The following ZNF347 variants were observed in gnomAD, a reference collection of about 807,000 sequenced individuals.
The protein encoded by ZNF347 is CTD-2620I22.7.
Under a neutral mutation model 12.9 loss-of-function variants are expected in ZNF347, and 19 were observed. That is an observed-to-expected ratio of 1.47 (90% CI 1.03 to 2.16). The LOEUF is 2.16. Ranked by LOEUF, ZNF347 falls within the 30% of genes most tolerant of loss-of-function variation. The probability of loss-of-function intolerance (pLI) is 0.00; values close to 1 mark genes in which losing one functional copy is unlikely to be tolerated. For missense variants in ZNF347, 1,005 were observed against 990.6 expected, an observed-to-expected ratio of 1.01 and a Z score of -0.19; for synonymous variants, 328 against 340.6, an observed-to-expected ratio of 0.96 and a Z score of 0.41.
intron 3 of ZNF347, 93 bp downstream of exon 3, chr19:53,149,148 G>C (rs571713993): frequency 2.5e-6 from 4 of 1,573,748 alleles, no homozygotes; most frequent in African/African-American, 1.4e-5. Flanking sequence ...TTCAGTCTCA[G>C]CCAAGCAATG....
At chr19:53,153,518 G>T (rs1018425600) in intron 2 of ZNF347, among the ~76,000 whole-genome samples, 5 of 152,132 alleles carry the variant, frequency 3.3e-5, no homozygotes, top group Non-Finnish European at 7.3e-5. Flanking sequence ...CCCTTCCCAG[G>T]ACCATGCCCA....
At position 53,152,872 on chromosome 19, in the gene ZNF347, T is replaced by C. The variant is rs185809537; in HGVS notation, c.15+861A>G. ...GTGAAAGCAGGAGGCGGAGCTTGCA[T>C]TGGGCTGAGATCATGCCACTGCACT... On this transcript the variant is annotated intron_variant, in intron 2 of 4. Transcript: ENST00000334197. Among the ~76,000 whole-genome samples, 78 of 151,974 alleles carry C rather than the reference T, an allele frequency of 5.1e-4. 1 individual carries two copies. The highest frequency in any genetic ancestry group is 4.1e-3 in the East Asian group (21 of 5,134).
Position 53,141,167 on chromosome 19 carries a change from G to C in ZNF347, c.1661C>G (p.Ser554Ter), listed in dbSNP as rs766212972. ...NECGKAFSVY[S>*]SLTTHQVIHT... ...GATGACCTGATGGGTAGTTAGGCTT[G>C]AATACACACTGAAGGCTTTGCCGCA... Residue 554 changes from serine to a stop codon, truncating the protein, a stop_gained, in exon 5 of 5, where the codon TCA becomes TGA. Transcript: ENST00000334197. LOFTEE classifies it low-confidence loss of function (END_TRUNC). 1.7e-5 allele frequency: 28 copies of C among 1,608,888 alleles called. No individual in the cohort carries two copies. The highest frequency in any genetic ancestry group is 3.3e-5 in the Admixed American group (2 of 59,790).
rs577812713 is a variant in ZNF347, at chr19:53,136,975, T to A, written c.*3333A>T. On this transcript the variant is annotated 3_prime_UTR_variant, in exon 5 of 5. Transcript: ENST00000334197. ...ATCTCAGCTCACTGCAACCTCCGTC[T>A]CCCGGGTTCAAGTGATTCTCCTGCC... 2 of 152,312 alleles carry A rather than the reference T, an allele frequency of 1.3e-5. No homozygotes were observed. The highest frequency in any genetic ancestry group is 4.1e-4 in the South Asian group (2 of 4,820). 9.4% of individuals were successfully genotyped at this position (152,312 alleles called of 1,614,324 possible).
Position 53,141,858 on chromosome 19 carries a change from T to TA in ZNF347, c.969dup (p.Lys324Ter), listed in dbSNP as rs2090430298. ...AGTTGTGAATTTCGACTAAAGACCT[T>TA]ACCACACTCATTACATTTGTAACGT... On this transcript the variant is annotated frameshift_variant, in exon 5 of 5. Coordinates refer to ENST00000334197, the MANE Select transcript of ZNF347 (RefSeq NM_032584.3). LOFTEE classifies it low-confidence loss of function (END_TRUNC). The TA allele has an allele frequency of 6.2e-7, 1 of 1,614,070 alleles. No homozygotes were observed. Among genetic ancestry groups the TA allele is most frequent in the African/African-American group, 1.3e-5 (1 of 75,042 alleles).
chr19:53,149,412 C>T, intron 2 of ZNF347, 45 bp from the exon 3 acceptor site: 1 of 1,610,854 alleles, frequency 6.2e-7, no homozygotes, highest in Non-Finnish European at 8.5e-7. Flanking sequence ...AGGAAAAGCT[C>T]CAATCTTCAC....
rs764709922 is a variant in ZNF347, at chr19:53,153,780, T to G, written c.-33A>C. On this transcript the variant is annotated 5_prime_UTR_variant, in exon 2 of 5. Transcript: ENST00000334197. The stretch of plus-strand genomic sequence containing the variant: ...TTGTCTTTCTTTCCTCTTCCTCTTC[T>G]TCAAGGGTTCTTCCTTAGGTAACAG... 3 of 1,614,074 alleles carry G rather than the reference T, an allele frequency of 1.9e-6. No homozygotes were observed. Among genetic ancestry groups the G allele is most frequent in the Non-Finnish European group, 2.5e-6 (3 of 1,179,924 alleles).
chr19:53,141,462 G>A lies in ZNF347; in HGVS notation c.1366C>T (p.Pro456Ser), dbSNP rs1267085858. 1.2e-6 allele frequency: 2 copies of A among 1,613,716 alleles called. No individual in the cohort carries two copies. The highest frequency in any genetic ancestry group is 2.7e-5 in the African/African-American group (2 of 74,766). The change falls in exon 5 of 5, where the codon CCT (proline) becomes TCT (serine). Residue 456 changes from proline to serine, a missense_variant. By Grantham distance (74) the Pro-to-Ser change is moderately conservative (BLOSUM62 -1). Coordinates refer to ENST00000334197, the MANE Select transcript of ZNF347 (RefSeq NM_032584.3). ...TTGCCGCATTCATGACATTTGTAAG[G>A]CTTTTCTCCGGTGTGAATTACCAGA... Reference protein sequence around the residue: ...IHLVIHTGEKPYKCHECGKVF... With the variant: ...IHLVIHTGEKSYKCHECGKVF...
rs1411172941 is a variant in ZNF347 at position 53,135,282 on chromosome 19, G to C, written c.*5026C>G. The C allele has an allele frequency of 7.1e-6, 1 of 141,198 alleles. No homozygotes were observed. The highest frequency in any genetic ancestry group is 7.3e-5 in the Admixed American group (1 of 13,702). 8.7% of individuals were successfully genotyped at this position (141,198 alleles called of 1,614,324 possible). On this transcript the variant is annotated 3_prime_UTR_variant, in exon 5 of 5. Coordinates refer to ENST00000334197, the MANE Select transcript of ZNF347 (RefSeq NM_032584.3). ...TGCTTCAGTGAAATGTCTCTTCATAGTTCTACCCATTTTCTAAATATATAT... is the reference window on the plus strand; with the variant it reads ...TGCTTCAGTGAAATGTCTCTTCATACTTCTACCCATTTTCTAAATATATAT...
intron 4 of ZNF347, among the ~76,000 whole-genome samples, chr19:53,147,720 C>CA (rs1459156765): frequency 2.0e-5 from 3 of 151,984 alleles, no homozygotes; most frequent in African/African-American, 7.2e-5. Flanking sequence ...GACACCACAA[C>CA]AAAAAGAAAA....
At chr19:53,148,575 G>A (rs1350210431) in intron 4 of ZNF347, 106 bp downstream of exon 4, 1 of 1,272,338 alleles carries the variant, frequency 7.9e-7, no homozygotes, top group Non-Finnish European at 1.1e-6. Flanking sequence ...TCTGTTCTGA[G>A]GTCACAGAAT....
rs776078784 is a variant in ZNF347, at chr19:53,140,982, G to A, written c.1846C>T (p.Gln616Ter). ...GGTTTCTCTCCAGTATGAATTCGCTGATGCCTTGAAAGGTATGAATTATGC... is the reference window on the plus strand; with the variant it reads ...GGTTTCTCTCCAGTATGAATTCGCTAATGCCTTGAAAGGTATGAATTATGC... The part of the protein sequence containing the change: ...FRHNSYLSRH[Q>*]RIHTGEKPYK... The change falls in exon 5 of 5, where the codon CAG (glutamine) becomes TAG (stop). Residue 616 changes from glutamine (Q) to a stop codon, truncating the protein, a stop_gained. Transcript: ENST00000334197. LOFTEE classifies it low-confidence loss of function (END_TRUNC). 6.2e-7 allele frequency: 1 copy of A among 1,613,804 alleles called. No individual in the cohort carries two copies. Among genetic ancestry groups the A allele is most frequent in the South Asian group, 1.1e-5 (1 of 91,070 alleles).
At chr19:53,150,333 A>G (rs1246926390) in intron 2 of ZNF347, among the ~76,000 whole-genome samples, 1 of 152,226 alleles carries the variant, frequency 6.6e-6, no homozygotes, top group Non-Finnish European at 1.5e-5. Context: ...GTGAGAGTAC[A>G]GTAGGAGAAA....
chr19:53,140,749 T>C lies in ZNF347; in HGVS notation c.2079A>G (p.Thr693=). The change falls in exon 5 of 5, where the codon ACA becomes ACG. Residue 693 remains threonine, a synonymous_variant. Transcript: ENST00000334197. ...CTCTCTGATGCCTTGCAAGCTTTGATGTTTGACTAAAGGCTTTGCCACATT... is the reference window on the plus strand; with the variant it reads ...CTCTCTGATGCCTTGCAAGCTTTGACGTTTGACTAAAGGCTTTGCCACATT... ...CNECGKAFSQ[T]SKLARHQRVH... is the part of the protein sequence containing the mutation. 2 of 1,611,362 alleles carry C rather than the reference T, an allele frequency of 1.2e-6. No individual in the cohort carries two copies. Among genetic ancestry groups the C allele is most frequent in the Non-Finnish European group, 1.7e-6 (2 of 1,178,838 alleles).
At chr19:53,155,648 T>C (rs896583821) in intron 1 of ZNF347, among the ~76,000 whole-genome samples, 1 of 152,116 alleles carries the variant, frequency 6.6e-6, no homozygotes, top group Non-Finnish European at 1.5e-5. Flanking sequence ...TGTACGTGTC[T>C]TAATGGAGAA....
At chr19:53,142,767 C>T (rs540738266) in intron 4 of ZNF347, among the ~76,000 whole-genome samples, 4 of 152,214 alleles carry the variant, frequency 2.6e-5, no homozygotes, top group African/African-American at 9.6e-5. Context: ...CCATGTAATT[C>T]AAATTAATAG....
chr19:53,150,944 T>C (rs2090493420), intron 2 of ZNF347, among the ~76,000 whole-genome samples: 1 of 152,198 alleles, frequency 6.6e-6, no homozygotes, highest in Admixed American at 6.5e-5. Context: ...TTCACCATGT[T>C]GACCAGGCTA....
At chr19:53,155,854 G>A (rs2090530309) in intron 1 of ZNF347, among the ~76,000 whole-genome samples, 1 of 152,164 alleles carries the variant, frequency 6.6e-6, no homozygotes, top group African/African-American at 2.4e-5. Flanking sequence ...AGTCACTACT[G>A]AGTAGAGATC....
chr19:53,140,171 A>T lies in ZNF347; in HGVS notation c.*137T>A. ...TGCCTCGGACTCCCAAAGTGTTGGGATTACAGGCATGAGCCACTGCACCCA... is the reference window on the plus strand; with the variant it reads ...TGCCTCGGACTCCCAAAGTGTTGGGTTTACAGGCATGAGCCACTGCACCCA... On this transcript the variant is annotated 3_prime_UTR_variant, in exon 5 of 5. Transcript: ENST00000334197. 1 of 868,962 alleles carries T rather than the reference A, an allele frequency of 1.2e-6. No homozygotes were observed. The highest frequency in any genetic ancestry group is 1.8e-5 in the South Asian group (1 of 54,978). 53.8% of individuals were successfully genotyped at this position (868,962 alleles called of 1,614,324 possible).
Sources: allele counts gnomAD v4.1 joint callset (sites outside exome capture counted in the v4.1 genomes callset), GRCh38; gene constraint gnomAD v4.1.1; transcripts MANE v1.5; gene names NCBI Gene and HGNC (gene_info 2026-07-23, HGNC 2026-07-21).